Variants in PDE4DIP observed in about 807,000 individuals in gnomAD.
PDE4DIP encodes phosphodiesterase 4D interacting protein.
PDE4DIP carries 59 observed loss-of-function variants against 221.4 expected under a neutral mutation model. The ratio of observed to expected loss-of-function variants is 0.27; its 90% CI spans 0.22 to 0.33. The LOEUF is 0.33. PDE4DIP is among the 10% of genes least tolerant of loss of function. PDE4DIP has a pLI of 1.00. For missense variants in PDE4DIP, 1,036 were observed against 2,154.2 expected (o/e 0.48, Z 10.28); for synonymous variants, 404 against 815.9 (o/e 0.50, Z 8.60).
chr1:148,949,115 C>G (rs2052519920), intron 5 of PDE4DIP, among the ~76,000 whole-genome samples: 2 of 152,076 alleles, frequency 1.3e-5, no homozygotes, highest in Admixed American at 6.6e-5. Flanking sequence ...ATGAATACAC[C>G]AAAATGTGTT....
chr1:148,961,625 G>A (rs2056957795), intron 6 of PDE4DIP, among the ~76,000 whole-genome samples: 1 of 152,172 alleles, frequency 6.6e-6, no homozygotes. Context: ...TGAAAATTGA[G>A]ACAATTTAGT....
At chr1:148,937,153 A>G (rs1285700569) in intron 4 of PDE4DIP, among the ~76,000 whole-genome samples, 3 of 152,164 alleles carry the variant, frequency 2.0e-5, no homozygotes, top group Non-Finnish European at 4.4e-5. Context: ...TGCAGCTAGG[A>G]CTTTACTAGG....
chr1:148,827,703 G>A (rs1334181659), intron 1 of PDE4DIP, among the ~76,000 whole-genome samples: 1 of 85,222 alleles, frequency 1.2e-5, no homozygotes, highest in Non-Finnish European at 2.6e-5. Context: ...CTGTGTGCTT[G>A]TGTGTGTGTG....
chr1:148,985,937 T>C (rs1442426663), intron 21 of PDE4DIP: 1 of 152,198 alleles, frequency 6.6e-6, no homozygotes, highest in Non-Finnish European at 1.5e-5. Flanking sequence ...TTTACAATAA[T>C]CAAAGTCATA....
chr1:148,979,810 T>G (rs2060787452), exon 20 of PDE4DIP: 9 of 1,613,596 alleles, frequency 5.6e-6, no homozygotes, highest in Non-Finnish European at 6.8e-6. Flanking sequence ...GAGAGACAGC[T>G]CTATAGCAGT....
chr1:148,988,225 C>T (rs1436651741), intron 21 of PDE4DIP, among the ~76,000 whole-genome samples: 4 of 151,572 alleles, frequency 2.6e-5, no homozygotes, highest in Admixed American at 2.0e-4. Flanking sequence ...GTTCTGTGGC[C>T]TTCAACTTTC....
chr1:148,953,168 C>T (rs2054039902), intron 5 of PDE4DIP: 3 of 1,614,114 alleles, frequency 1.9e-6, no homozygotes, highest in Non-Finnish European at 1.7e-6. Context: ...TGCACTGCTC[C>T]AGGAGGACTT....
chr1:149,013,781 C>CTA (rs1418122665), intron 32 of PDE4DIP, among the ~76,000 whole-genome samples: 1 of 31,944 alleles, frequency 3.1e-5, no homozygotes, highest in African/African-American at 1.6e-4. Flanking sequence ...CCTTCTTCCT[C>CTA]TTTTTTTTTT....
At chr1:149,017,713 C>T (rs1553612907) in intron 33 of PDE4DIP, 35 bp from the exon 37 acceptor site, 1 of 1,366,150 alleles carries the variant, frequency 7.3e-7, no homozygotes, top group Admixed American at 1.8e-5. Context: ...TCTCCATCTC[C>T]CACCTCTCTT....
At chr1:148,936,404 C>T (rs3124677) in intron 4 of PDE4DIP, among the ~76,000 whole-genome samples, 4,219 of 80,700 alleles carry the variant, frequency 0.052, no homozygotes, top group African/African-American at 0.1. Context: ...GGCTTCTGGG[C>T]TACAAACCTG....
At chr1:148,958,308 T>TACCG (rs1267159560) in intron 5 of PDE4DIP, among the ~76,000 whole-genome samples, 143 of 151,842 alleles carry the variant, frequency 9.4e-4, no homozygotes, top group Non-Finnish European at 1.9e-3. Flanking sequence ...TCACCTGCAC[T>TACCG]ACCGCAGCAG....
At chr1:148,892,650 C>G (rs1262954712) in intron 1 of PDE4DIP, among the ~76,000 whole-genome samples, 2 of 119,980 alleles carry the variant, frequency 1.7e-5, no homozygotes, top group Non-Finnish European at 3.4e-5. Context: ...GGATCTCAAA[C>G]TACTGTATCC....
intron 21 of PDE4DIP, chr1:148,982,730 C>T (rs1553544744): frequency 6.6e-6 from 1 of 152,116 alleles, no homozygotes; most frequent in African/African-American, 2.4e-5. Context: ...TTGAGGCTTT[C>T]TAGCACAGTA....
rs1288148514 is a variant in PDE4DIP, at chr1:148,963,698, ATTCTT to A, written c.1194+1080_1194+1084del. ...TTTATTTTTGAATAATAAATATACGATTCTTTTCTTTTCTTTTCTTTTCTTTCTTT... is the reference window on the plus strand; with the variant it reads ...TTTATTTTTGAATAATAAATATACGATTCTTTTCTTTTCTTTTCTTTCTTT... On this transcript the variant is annotated intron_variant, in intron 9 of 43. Transcript: ENST00000369354. Among the ~76,000 whole-genome samples the A allele has an allele frequency of 1.7e-3, 250 of 147,580 alleles. 1 individual carries two copies. The highest frequency in any genetic ancestry group is 0.01 in the South Asian group (46 of 4,538).
At chr1:148,822,514 T>C (rs1669552403) in intron 1 of PDE4DIP, among the ~76,000 whole-genome samples, 3 of 151,298 alleles carry the variant, frequency 2.0e-5, no homozygotes, top group African/African-American at 7.3e-5. Context: ...TGATGATCAT[T>C]CCAAATCCAT....
intron 17 of PDE4DIP, among the ~76,000 whole-genome samples, chr1:148,975,320 A>G (rs373689378): frequency 0.12 from 16,725 of 142,400 alleles, 584 homozygotes; most frequent in Middle Eastern, 0.2. Context: ...AGTGTTTATC[A>G]AGTATTCATG....
At chr1:148,929,425 T>C (rs1344572094) in intron 2 of PDE4DIP, 152 bp downstream of exon 5, 2 of 1,171,740 alleles carry the variant, frequency 1.7e-6, no homozygotes, top group African/African-American at 3.1e-5. Context: ...ATATGCTGTG[T>C]TTCCCTTGGG....
At chr1:149,022,383 G>A (rs587652225) in intron 37 of PDE4DIP, among the ~76,000 whole-genome samples, 1 of 150,346 alleles carries the variant, frequency 6.7e-6, no homozygotes, top group East Asian at 2.0e-4. Context: ...ATGAGAACTG[G>A]CTTCGGATAT....
At chr1:148,949,187 G>A (rs1378789284) in intron 5 of PDE4DIP, among the ~76,000 whole-genome samples, 13 of 151,532 alleles carry the variant, frequency 8.6e-5, no homozygotes, top group African/African-American at 3.2e-4. Context: ...AAGTACAAAA[G>A]CAGTAAGTAC....
Sources: gnomAD v4.1 joint callset for allele counts (sites outside exome capture counted in the v4.1 genomes callset) on GRCh38, gnomAD v4.1.1 for gene constraint, MANE v1.5 for transcripts, NCBI Gene and HGNC (gene_info 2026-07-23, HGNC 2026-07-21) for gene names.